The following METTL8 variants were observed in gnomAD, a reference collection of about 807,000 sequenced individuals.
METTL8 encodes methyltransferase 8, tRNA N3-cytidine.
Under a neutral mutation model 48.7 loss-of-function variants are expected in METTL8, and 32 were observed. That is an observed-to-expected ratio of 0.66 (90% CI 0.50 to 0.88). The LOEUF (loss-of-function observed/expected upper bound fraction) is 0.88, where lower values mean the gene tolerates loss of function less well. Ranked by LOEUF, METTL8 falls within the 40% of genes least tolerant of loss-of-function variation. The pLI is 0.00. For missense variants in METTL8, 464 were observed against 474.4 expected, an observed-to-expected ratio of 0.98 and a Z score of 0.20; for synonymous variants, 136 against 157.1, an observed-to-expected ratio of 0.87 and a Z score of 1.01.
At chr2:171,363,206 C>G (rs765119135) in intron 2 of METTL8, among the ~76,000 whole-genome samples, 2 of 151,868 alleles carry the variant, frequency 1.3e-5, no homozygotes, top group African/African-American at 4.8e-5. Flanking sequence ...ATCCTAAGTT[C>G]CTGCAGAACA....
chr2:171,359,901 T>C (rs981836900), intron 3 of METTL8, among the ~76,000 whole-genome samples: 4 of 152,194 alleles, frequency 2.6e-5, no homozygotes, highest in Admixed American at 6.5e-5. Flanking sequence ...CTGAGTTTTT[T>C]TGATAGTAGC....
intron 2 of METTL8, among the ~76,000 whole-genome samples, chr2:171,386,690 G>A (rs763307097): frequency 1.3e-5 from 2 of 152,130 alleles, no homozygotes; most frequent in African/African-American, 2.4e-5. Flanking sequence ...GAAGGGAAGC[G>A]CTACTTAGAG....
At chr2:171,354,902 C>T (rs549341046) in intron 3 of METTL8, among the ~76,000 whole-genome samples, 4 of 152,094 alleles carry the variant, frequency 2.6e-5, no homozygotes, top group Admixed American at 6.5e-5. Flanking sequence ...GCAATGGGCT[C>T]GAACATCCTC....
At chr2:171,324,743 G>C (rs1018992395) in intron 9 of METTL8, among the ~76,000 whole-genome samples, 18 of 152,098 alleles carry the variant, frequency 1.2e-4, no homozygotes, top group African/African-American at 3.9e-4. Flanking sequence ...GCATTCACTT[G>C]GTACTGTTAG....
chr2:171,371,469 G>T (rs1349896681), intron 2 of METTL8, among the ~76,000 whole-genome samples: 1 of 152,108 alleles, frequency 6.6e-6, no homozygotes, highest in Non-Finnish European at 1.5e-5. Flanking sequence ...TGATTCTCCT[G>T]CCTCAGCCTC....
rs2105375593 is a variant in METTL8, at chr2:171,321,790, A to G, written c.*2382T>C. 6.6e-6 allele frequency: 1 copy of G among 152,274 alleles called. No homozygotes were observed. Among genetic ancestry groups the G allele is most frequent in the East Asian group, 1.9e-4 (1 of 5,188 alleles). The allele number at this position is 152,274 out of a possible 1,614,324, so 9.4% of individuals were successfully genotyped here. ...TCTATTTATGCTCCCTGAAGAGCAT[A>G]AACAAGGCTGGGTCTTTATTGTTCA... On this transcript the variant is annotated 3_prime_UTR_variant, in exon 10 of 10. Coordinates refer to ENST00000375258, the MANE Select transcript of METTL8 (RefSeq NM_001321154.2).
intron 3 of METTL8, among the ~76,000 whole-genome samples, chr2:171,352,885 G>T (rs1239517217): frequency 6.6e-6 from 1 of 152,114 alleles, no homozygotes; most frequent in Non-Finnish European, 1.5e-5. Context: ...CTTGCTAGCG[G>T]TCTATCAATT....
intron 1 of METTL8, among the ~76,000 whole-genome samples, chr2:171,399,546 C>G (rs1315081405): frequency 6.6e-6 from 1 of 152,112 alleles, no homozygotes; most frequent in Non-Finnish European, 1.5e-5. Context: ...AGCCTTGATA[C>G]AGAAGGCCAA....
chr2:171,382,560 G>T (rs1277747732), intron 2 of METTL8, among the ~76,000 whole-genome samples: 1 of 152,100 alleles, frequency 6.6e-6, no homozygotes, highest in Non-Finnish European at 1.5e-5. Flanking sequence ...GTCCAGGGGT[G>T]GAGGGCAAGG....
intron 2 of METTL8, among the ~76,000 whole-genome samples, chr2:171,374,006 A>G (rs1425601642): frequency 1.3e-5 from 2 of 152,134 alleles, no homozygotes; most frequent in East Asian, 1.9e-4. Context: ...GTTTTTTCCA[A>G]TTCTGTGAAG....
At chr2:171,400,178 T>G (rs912866077) in intron 1 of METTL8, among the ~76,000 whole-genome samples, 1 of 152,122 alleles carries the variant, frequency 6.6e-6, no homozygotes, top group African/African-American at 2.4e-5. Context: ...AAGGACGAAG[T>G]AAACTAACAG....
At chr2:171,388,322 A>G (rs1206288647) in intron 2 of METTL8, among the ~76,000 whole-genome samples, 1 of 152,220 alleles carries the variant, frequency 6.6e-6, no homozygotes, top group Admixed American at 6.5e-5. Context: ...TCATTTATTT[A>G]TCTTCAGTGG....
chr2:171,339,083 A>T, intron 4 of METTL8, 101 bp downstream of exon 4: 1 of 997,054 alleles, frequency 1.0e-6, no homozygotes, highest in Non-Finnish European at 1.4e-6. Context: ...TACATTTGAT[A>T]GTTTTCCACC....
intron 2 of METTL8, among the ~76,000 whole-genome samples, chr2:171,386,599 AC>A (rs1235110751): frequency 6.6e-6 from 1 of 152,090 alleles, no homozygotes; most frequent in African/African-American, 2.4e-5. Flanking sequence ...CCTTGTCTCT[AC>A]AAAAAATACA....
At chr2:171,330,495 T>C in intron 7 of METTL8, 64 bp downstream of exon 7, 2 of 1,498,308 alleles carry the variant, frequency 1.3e-6, no homozygotes, top group Non-Finnish European at 1.8e-6. Context: ...GCTTTGATAG[T>C]TCTGAAAACC....
Position 171,325,848 on chromosome 2 carries a change from A to G in METTL8, c.1026T>C (p.Phe342=). ...TTTTGTAGATTAGCATACCTTTTGT[A>G]AAGAAATATGCTCTGGTACCATCTC... ...VRGDGTRAYF[F]TKGEVHSMFC... Residue 342 remains phenylalanine (F), a synonymous_variant, in exon 9 of 10, where the codon TTT becomes TTC. Transcript: ENST00000375258. 1.9e-6 allele frequency: 3 copies of G among 1,574,700 alleles called. No homozygotes were observed. Among genetic ancestry groups the G allele is most frequent in the Non-Finnish European group, 2.6e-6 (3 of 1,153,648 alleles).
chr2:171,382,610 G>T (rs1318394756), intron 2 of METTL8, among the ~76,000 whole-genome samples: 1 of 151,950 alleles, frequency 6.6e-6, no homozygotes, highest in African/African-American at 2.4e-5. Flanking sequence ...TGCATGCAAC[G>T]CCTAAAACCT....
rs1687942021 is a variant in METTL8, at chr2:171,385,334, C to A, written c.143+6709G>T. ...CCTGGGTGACAGGGCAAGACCCTGT[C>A]TCAAAAAAAAAAAAAATCAAATTCA... On this transcript the variant is annotated intron_variant, in intron 2 of 9. Transcript: ENST00000375258. 3.4e-5 allele frequency among the ~76,000 whole-genome samples: 5 copies of A among 146,826 alleles called. No homozygotes were observed. In the South Asian group the frequency reaches 8.5e-4, roughly 25 times the overall value.
intron 2 of METTL8, among the ~76,000 whole-genome samples, chr2:171,383,666 T>C (rs1348896824): frequency 6.6e-6 from 1 of 152,212 alleles, no homozygotes; most frequent in Non-Finnish European, 1.5e-5. Flanking sequence ...AGTTTCTATA[T>C]GCTTAAACCA....
Sources: allele counts gnomAD v4.1 joint callset (sites outside exome capture counted in the v4.1 genomes callset), GRCh38; gene constraint gnomAD v4.1.1; transcripts MANE v1.5; gene names NCBI Gene and HGNC (gene_info 2026-07-23, HGNC 2026-07-21).